The following DNAJC1 variants were observed in gnomAD, a reference collection of about 807,000 sequenced individuals.
DNAJC1 encodes the protein DnaJ heat shock protein family (Hsp40) member C1.
A neutral mutation model predicts 76.6 loss-of-function variants in DNAJC1; 58 were observed. The ratio of observed to expected loss-of-function variants is 0.76; its 90% CI spans 0.61 to 0.94. The LOEUF is 0.94. Ranked by LOEUF, DNAJC1 falls within the 40% of genes least tolerant of loss-of-function variation. DNAJC1 has a pLI of 0.00. For synonymous variants in DNAJC1, 258 were observed against 267.9 expected, an observed-to-expected ratio of 0.96 and a Z score of 0.36; for missense variants, 689 against 677.3, an observed-to-expected ratio of 1.02 and a Z score of -0.19.
chr10:21,926,767 C>T (rs1417590905), intron 3 of DNAJC1, among the ~76,000 whole-genome samples: 1 of 152,146 alleles, frequency 6.6e-6, no homozygotes, highest in South Asian at 2.1e-4. Context: ...AATACTACAG[C>T]TGTTTGTGTA....
At chr10:21,912,415 T>C (rs1836879297) in intron 6 of DNAJC1, among the ~76,000 whole-genome samples, 1 of 152,178 alleles carries the variant, frequency 6.6e-6, no homozygotes, top group African/African-American at 2.4e-5. Context: ...ATAGTCTGTC[T>C]TTGGATCTCT....
chr10:21,765,952 C>T (rs1382914016), intron 10 of DNAJC1, among the ~76,000 whole-genome samples: 1 of 152,200 alleles, frequency 6.6e-6, no homozygotes, highest in Admixed American at 6.5e-5. Context: ...AAACAGTGTG[C>T]ACATAGCATT....
At chr10:21,860,547 A>AG (rs1173917064) in intron 8 of DNAJC1, among the ~76,000 whole-genome samples, 1 of 152,020 alleles carries the variant, frequency 6.6e-6, no homozygotes, top group Non-Finnish European at 1.5e-5. Context: ...ACAGAAAATT[A>AG]GCCAGGCATG....
chr10:21,861,874 G>A (rs1233723325), intron 8 of DNAJC1, among the ~76,000 whole-genome samples: 1 of 151,942 alleles, frequency 6.6e-6, no homozygotes, highest in East Asian at 1.9e-4. Flanking sequence ...TGCTCGATCT[G>A]GAGTAGTCAT....
chr10:21,809,596 T>C (rs1434562068), intron 8 of DNAJC1, among the ~76,000 whole-genome samples: 2 of 151,498 alleles, frequency 1.3e-5, no homozygotes, highest in African/African-American at 4.8e-5. Flanking sequence ...TTATTAGATA[T>C]ATATACACAT....
In DNAJC1 at chr10:21,831,648, G is replaced by C. The variant is rs902302687; in HGVS notation, c.979-25549C>G. On this transcript the variant is annotated intron_variant, in intron 8 of 11. Coordinates refer to ENST00000376980, the MANE Select transcript of DNAJC1 (RefSeq NM_022365.4). ...TACTCAAAATTCAAAATATTAGCCAGGCATGGTGGCAGGCGCCTGTAGTCC... is the reference window on the plus strand; with the variant it reads ...TACTCAAAATTCAAAATATTAGCCACGCATGGTGGCAGGCGCCTGTAGTCC... Among the ~76,000 whole-genome samples, 6 of 152,190 alleles carry C rather than the reference G, an allele frequency of 3.9e-5. No individual in the cohort carries two copies. The South Asian group carries it at 6.2e-4, about 16-fold the overall frequency.
intron 9 of DNAJC1, among the ~76,000 whole-genome samples, chr10:21,783,584 A>G (rs1308147724): frequency 7.9e-5 from 12 of 152,172 alleles, no homozygotes; most frequent in Non-Finnish European, 1.6e-4. Context: ...AAAAGAGCCC[A>G]CACTGCCAAG....
intron 1 of DNAJC1, among the ~76,000 whole-genome samples, chr10:21,960,102 CTT>C (rs1446053891): frequency 1.3e-5 from 2 of 152,186 alleles, no homozygotes; most frequent in Non-Finnish European, 2.9e-5. Context: ...GGCACCTTCT[CTT>C]AACAGTCTAT....
At position 21,890,177 on chromosome 10, in the gene DNAJC1, T is replaced by TGA. The variant is rs1554894418; in HGVS notation, c.821-7739_821-7738insTC. On this transcript the variant is annotated intron_variant, in intron 7 of 11. Transcript: ENST00000376980. ...CTGTAATCTCAGCACTTTGGGAGGC[T>TGA]GGGGGGGGGTGGATGACCTGAGGTC... Among the ~76,000 whole-genome samples, 512 of 56,446 alleles carry TGA rather than the reference T, an allele frequency of 9.1e-3. 3 individuals carry two copies. Among genetic ancestry groups the TGA allele is most frequent in the African/African-American group, 0.055 (446 of 8,128 alleles). The allele number at this position is 56,446 out of a possible 152,430, so 37.0% of individuals were successfully genotyped here. A position where few individuals can be genotyped will look rare whatever the true frequency, so the allele number is the denominator to read the frequency against.
In DNAJC1 at chr10:21,842,594, G is replaced by C. The variant is rs569304365; in HGVS notation, c.979-36495C>G. 7.9e-5 allele frequency among the ~76,000 whole-genome samples: 12 copies of C among 152,334 alleles called. No homozygotes were observed. In the South Asian group the frequency reaches 2.5e-3, roughly 32 times the overall value. ...ATCTTATGGCAAGGTCCTGTAGATA[G>C]CTATAAAGAATAGGCAAGAGGTTTT... is the stretch of plus-strand genomic sequence containing the variant. On this transcript the variant is annotated intron_variant, in intron 8 of 11. Transcript: ENST00000376980.
chr10:21,792,755 C>A, intron 9 of DNAJC1, among the ~76,000 whole-genome samples: 1 of 137,960 alleles, frequency 7.2e-6, no homozygotes. Flanking sequence ...TGAGACAACA[C>A]CTCAAAAAAA....
intron 9 of DNAJC1, among the ~76,000 whole-genome samples, chr10:21,768,844 G>A (rs1589972934): frequency 6.6e-6 from 1 of 152,026 alleles, no homozygotes. Flanking sequence ...TTCCCCTTGA[G>A]GCTAAATCTG....
At chr10:21,891,060 C>G (rs1347577900) in intron 7 of DNAJC1, among the ~76,000 whole-genome samples, 1 of 151,840 alleles carries the variant, frequency 6.6e-6, no homozygotes, top group Non-Finnish European at 1.5e-5. Context: ...TGTGGTAGTG[C>G]ATGCCTGTAA....
At position 21,872,073 on chromosome 10, in the gene DNAJC1, C is replaced by CTT. The variant is rs546290479; in HGVS notation, c.978+10207_978+10208dup. Among the ~76,000 whole-genome samples, 50 of 133,062 alleles carry CTT rather than the reference C, an allele frequency of 3.8e-4. 1 individual carries two copies. Among genetic ancestry groups the CTT allele is most frequent in the Non-Finnish European group, 6.7e-4 (41 of 60,840 alleles). The allele number at this position is 133,062 out of a possible 152,430, so 87.3% of individuals were successfully genotyped here. ...CTTTCTAGACAAAACGTTAAATCAT[C>CTT]TTTTTTTTTTTTTTTTTGGAGACGG... On this transcript the variant is annotated intron_variant, in intron 8 of 11. Coordinates refer to ENST00000376980, the MANE Select transcript of DNAJC1 (RefSeq NM_022365.4).
chr10:21,955,811 A>T (rs1407999567), intron 1 of DNAJC1, among the ~76,000 whole-genome samples: 3 of 152,184 alleles, frequency 2.0e-5, no homozygotes, highest in Non-Finnish European at 2.9e-5. Flanking sequence ...CTATTTTCAC[A>T]TATTGTGTTA....
chr10:21,851,817 G>T (rs1422031181), intron 8 of DNAJC1, among the ~76,000 whole-genome samples: 1 of 152,056 alleles, frequency 6.6e-6, no homozygotes, highest in Non-Finnish European at 1.5e-5. Context: ...CACTTTGGGA[G>T]GCCGAGACGG....
Position 21,760,049 on chromosome 10 carries a change from T to G in DNAJC1, c.1148-431A>C, listed in dbSNP as rs546564011. On this transcript the variant is annotated intron_variant, in intron 10 of 11. Coordinates refer to ENST00000376980, the MANE Select transcript of DNAJC1 (RefSeq NM_022365.4). Reference sequence around the variant, plus strand: ...AACTGTGCTGCCTCTGGAAGGCAAGTGTATGAGTAAATTATACACTTACAA... The same window carrying G: ...AACTGTGCTGCCTCTGGAAGGCAAGGGTATGAGTAAATTATACACTTACAA... Among the ~76,000 whole-genome samples the G allele has an allele frequency of 1.6e-4, 24 of 152,366 alleles. No individual in the cohort carries two copies. In the East Asian group the frequency reaches 4.6e-3, roughly 29 times the overall value.
intron 8 of DNAJC1, among the ~76,000 whole-genome samples, chr10:21,881,220 A>G (rs970418975): frequency 6.6e-6 from 1 of 152,192 alleles, no homozygotes; most frequent in Admixed American, 6.5e-5. Flanking sequence ...TTGATCTTCT[A>G]TCCAGACTAC....
At chr10:21,946,049 C>CTTTTTTTTTT (rs71510915) in intron 1 of DNAJC1, among the ~76,000 whole-genome samples, 154 of 93,296 alleles carry the variant, frequency 1.7e-3, no homozygotes, top group Admixed American at 2.1e-3. Context: ...TTCTTTTCCT[C>CTTTTTTTTTT]TTTTTTTTTT....
Sources: allele counts gnomAD v4.1 joint callset (sites outside exome capture counted in the v4.1 genomes callset), GRCh38; gene constraint gnomAD v4.1.1; transcripts MANE v1.5; gene names NCBI Gene and HGNC (gene_info 2026-07-23, HGNC 2026-07-21).